BRINP2: variants seen among roughly 807,000 people sequenced by gnomAD.
BRINP2 encodes BMP/retinoic acid-inducible neural-specific protein 2.
In BRINP2, 21 loss-of-function variants were observed where a neutral mutation model predicts 69.2. The ratio of observed to expected loss-of-function variants is 0.30; its 90% confidence interval spans 0.22 to 0.44. BRINP2 has a LOEUF of 0.44. Ranked by LOEUF, BRINP2 falls within the 20% of genes least tolerant of loss-of-function variation. BRINP2 has a pLI of 1.00. For synonymous variants in BRINP2, 380 were observed against 394.1 expected (o/e 0.96, Z 0.42); for missense variants, 877 against 986.0 (o/e 0.89, Z 1.48).
intron 1 of BRINP2, among the ~76,000 whole-genome samples, chr1:177,218,381 T>C (rs946798705): frequency 1.3e-5 from 2 of 152,172 alleles, no homozygotes; most frequent in African/African-American, 4.8e-5. Context: ...GTGGGTGAGC[T>C]ACACACCCAC....
chr1:177,271,231 G>T (rs748075161), intron 4 of BRINP2, among the ~76,000 whole-genome samples: 6 of 152,326 alleles, frequency 3.9e-5, no homozygotes, highest in Non-Finnish European at 7.3e-5. Flanking sequence ...CCTGGAATAA[G>T]TCATTTAACT....
At chr1:177,247,273 C>T (rs1269252309) in intron 2 of BRINP2, among the ~76,000 whole-genome samples, 2 of 152,164 alleles carry the variant, frequency 1.3e-5, no homozygotes, top group East Asian at 3.8e-4. Context: ...TATTGATTTT[C>T]CTCTGTCCAG....
At chr1:177,220,641 T>C (rs1649499068) in intron 1 of BRINP2, among the ~76,000 whole-genome samples, 1 of 152,200 alleles carries the variant, frequency 6.6e-6, no homozygotes, top group Admixed American at 6.5e-5. Context: ...GGTGTTTCTT[T>C]GTAGCAATGC....
chr1:177,260,668 C>T (rs1650917172), intron 4 of BRINP2, among the ~76,000 whole-genome samples: 1 of 152,136 alleles, frequency 6.6e-6, no homozygotes, highest in Non-Finnish European at 1.5e-5. Flanking sequence ...GGACACTCCA[C>T]CAGCAAAAAG....
At chr1:177,189,239 A>G (rs1171140357) in intron 1 of BRINP2, among the ~76,000 whole-genome samples, 2 of 149,850 alleles carry the variant, frequency 1.3e-5, no homozygotes, top group South Asian at 2.1e-4. Flanking sequence ...AAGGAAGCTG[A>G]AAAAAAAAAG....
At chr1:177,234,233 C>T (rs747199189) in intron 2 of BRINP2, among the ~76,000 whole-genome samples, 11 of 152,154 alleles carry the variant, frequency 7.2e-5, no homozygotes, top group Non-Finnish European at 1.5e-4. Context: ...CTACTAGGGT[C>T]TAAGGCATGT....
rs568332629 is a variant in BRINP2 at position 177,266,392 on chromosome 1, C to T, written c.670-7096C>T. On this transcript the variant is annotated intron_variant, in intron 4 of 7. Coordinates refer to ENST00000361539, the MANE Select transcript of BRINP2 (RefSeq NM_021165.4). The stretch of plus-strand genomic sequence containing the variant: ...ATTCTCATATCTCACTTTCCTGGCA[C>T]TTGCTGTTTGCTTTACTTGTAATGC... 4.6e-5 allele frequency among the ~76,000 whole-genome samples: 7 copies of T among 152,192 alleles called. No individual in the cohort carries two copies. In the South Asian group the frequency reaches 6.2e-4, roughly 14 times the overall value.
chr1:177,185,484 T>C (rs903720315), intron 1 of BRINP2, among the ~76,000 whole-genome samples: 3 of 152,188 alleles, frequency 2.0e-5, no homozygotes, highest in Non-Finnish European at 4.4e-5. Flanking sequence ...AAGGAGAGAA[T>C]GAACAAAGTG....
At chr1:177,251,414 CTT>C (rs1273427887) in intron 2 of BRINP2, among the ~76,000 whole-genome samples, 6 of 152,202 alleles carry the variant, frequency 3.9e-5, no homozygotes, top group African/African-American at 1.2e-4. Flanking sequence ...ATGAAATACA[CTT>C]AACATTTAAC....
intron 1 of BRINP2, among the ~76,000 whole-genome samples, chr1:177,223,459 C>G (rs1406696111): frequency 6.6e-6 from 1 of 152,150 alleles, no homozygotes; most frequent in Non-Finnish European, 1.5e-5. Flanking sequence ...TTACTCCCAT[C>G]CCTTGGGACA....
chr1:177,223,301 A>G (rs1649596269), intron 1 of BRINP2, among the ~76,000 whole-genome samples: 1 of 152,152 alleles, frequency 6.6e-6, no homozygotes, highest in Non-Finnish European at 1.5e-5. Context: ...GGATCCTACT[A>G]GGTCTAATGT....
chr1:177,217,647 G>T (rs1402767821), intron 1 of BRINP2, among the ~76,000 whole-genome samples: 1 of 152,000 alleles, frequency 6.6e-6, no homozygotes, highest in Non-Finnish European at 1.5e-5. Flanking sequence ...TGTTTTTTTG[G>T]CAGGGATAGA....
At position 177,229,816 on chromosome 1, in the gene BRINP2, G is replaced by T; in HGVS notation, c.-61G>T. On this transcript the variant is annotated 5_prime_UTR_variant, in exon 2 of 8. Coordinates refer to ENST00000361539, the MANE Select transcript of BRINP2 (RefSeq NM_021165.4). ...ACTTTTCCAGCTCCGAGCCCTGGAG[G>T]AGCAGCACGGAGCGGGAGAGCGTGG... 3 of 1,514,734 alleles carry T rather than the reference G, an allele frequency of 2.0e-6. No homozygotes were observed. Among genetic ancestry groups the T allele is most frequent in the Admixed American group, 2.1e-5 (1 of 46,944 alleles). 93.8% of individuals were successfully genotyped at this position (1,514,734 alleles called of 1,614,324 possible). A position where few individuals can be genotyped will look rare whatever the true frequency, so the allele number is the denominator to read the frequency against.
chr1:177,280,594 A>G lies in BRINP2; in HGVS notation c.1418A>G (p.Asn473Ser). The G allele has an allele frequency of 6.2e-7, 1 of 1,614,144 alleles. No homozygotes were observed. Among genetic ancestry groups the G allele is most frequent in the South Asian group, 1.1e-5 (1 of 91,072 alleles). Residue 473 changes from asparagine (N) to serine (S), a missense_variant, in exon 8 of 8, where the codon AAT becomes AGT. Asn to Ser is a conservative substitution (Grantham distance 46). Coordinates refer to ENST00000361539, the MANE Select transcript of BRINP2 (RefSeq NM_021165.4). ...GCGTGTGCCCACTGTGCTCCAGACA[A>G]TAGCACACGCTGTGGGAGCTGCAAC... ...GPACAHCAPD[N>S]STRCGSCNPG...
At chr1:177,202,293 T>A (rs1326964674) in intron 1 of BRINP2, among the ~76,000 whole-genome samples, 2 of 152,246 alleles carry the variant, frequency 1.3e-5, no homozygotes, top group African/African-American at 2.4e-5. Context: ...ATTGTGATGT[T>A]ACGGTGTCAA....
chr1:177,275,344 C>A (rs938037387), intron 5 of BRINP2, among the ~76,000 whole-genome samples: 3 of 152,162 alleles, frequency 2.0e-5, no homozygotes, highest in African/African-American at 7.2e-5. Context: ...GAGCTGAGAG[C>A]CATTCATATC....
chr1:177,247,158 A>G (rs1650413118), intron 2 of BRINP2, among the ~76,000 whole-genome samples: 2 of 152,238 alleles, frequency 1.3e-5, no homozygotes, highest in African/African-American at 2.4e-5. Flanking sequence ...TGATGGGAGC[A>G]GTAGCCCTGG....
At position 177,229,864 on chromosome 1, in the gene BRINP2, G is replaced by A. The variant is rs934220861; in HGVS notation, c.-13G>A. 17 of 1,564,964 alleles carry A rather than the reference G, an allele frequency of 1.1e-5. No individual in the cohort carries two copies. The highest frequency in any genetic ancestry group is 1.7e-4 in the Middle Eastern group (1 of 5,846). On this transcript the variant is annotated 5_prime_UTR_variant, in exon 2 of 8. Transcript: ENST00000361539. ...TGGCGAGAGAATGAAGAAACCAATC[G>A]CCCGGGAGAAGCATGAGGTGGCAGT...
chr1:177,192,118 G>A (rs889391380), intron 1 of BRINP2, among the ~76,000 whole-genome samples: 2 of 152,176 alleles, frequency 1.3e-5, no homozygotes, highest in African/African-American at 2.4e-5. Context: ...ACAGTGGAGC[G>A]ATTATTCCAA....
Sources: allele counts gnomAD v4.1 joint callset (sites outside exome capture counted in the v4.1 genomes callset), GRCh38; gene constraint gnomAD v4.1.1; transcripts MANE v1.5; gene names NCBI Gene and HGNC (gene_info 2026-07-23, HGNC 2026-07-21).